PDIA3: variants seen among roughly 807,000 people sequenced by gnomAD.
PDIA3 encodes the protein protein disulfide isomerase family A member 3.
PDIA3 carries 16 observed loss-of-function variants against 56.9 expected under a neutral mutation model. That is an observed-to-expected ratio of 0.28 (90% CI 0.19 to 0.43). PDIA3 has a LOEUF of 0.43. Ranked by LOEUF, PDIA3 falls within the 20% of genes least tolerant of loss-of-function variation. PDIA3 has a pLI of 1.00. For synonymous variants in PDIA3, 192 were observed against 216.5 expected (o/e 0.89, Z 0.99); for missense variants, 485 against 621.3 (o/e 0.78, Z 2.33).
At chr15:43,748,273 T>TTCAAGACCAG (rs2086719957) in intron 1 of PDIA3, among the ~76,000 whole-genome samples, 1 of 148,382 alleles carries the variant, frequency 6.7e-6, no homozygotes, top group Non-Finnish European at 1.5e-5. Context: ...AGGTCGGGAG[T>TTCAAGACCAG]TCAAGACCAG....
At chr15:43,747,936 C>G (rs948923659) in intron 1 of PDIA3, among the ~76,000 whole-genome samples, 1 of 152,170 alleles carries the variant, frequency 6.6e-6, no homozygotes, top group Non-Finnish European at 1.5e-5. Context: ...CTGGGGCTAA[C>G]TGGCAGTACA....
intron 2 of PDIA3, among the ~76,000 whole-genome samples, chr15:43,754,162 G>C (rs900652424): frequency 2.6e-5 from 4 of 151,932 alleles, no homozygotes; most frequent in African/African-American, 9.7e-5. Context: ...TTGGGAGGCC[G>C]AGGTGGGTGG....
chr15:43,761,330 C>T (rs2086814738), intron 3 of PDIA3, 94 bp from the exon 4 acceptor site: 7 of 654,098 alleles, frequency 1.1e-5, no homozygotes, highest in African/African-American at 1.8e-5. Flanking sequence ...ATCTTATACC[C>T]TTTTGTACCT....
At chr15:43,761,623 AAG>A (rs2086816847) in intron 4 of PDIA3, 92 bp downstream of exon 4, 14 of 702,580 alleles carry the variant, frequency 2.0e-5, no homozygotes, top group Non-Finnish European at 3.5e-5. Context: ...TAAAGCAGTT[AAG>A]GAAACCTTGG....
At chr15:43,759,733 CTA>C (rs1002922965) in intron 3 of PDIA3, among the ~76,000 whole-genome samples, 1 of 152,118 alleles carries the variant, frequency 6.6e-6, no homozygotes, top group African/African-American at 2.4e-5. Flanking sequence ...CTACATGCTG[CTA>C]TATGATTCCA....
chr15:43,757,553 G>T (rs1392426025), intron 3 of PDIA3, among the ~76,000 whole-genome samples: 1 of 128,458 alleles, frequency 7.8e-6, no homozygotes, highest in East Asian at 2.3e-4. Context: ...GCGAGACTCC[G>T]TCTCAAAAAA....
At chr15:43,759,163 G>C (rs1478492749) in intron 3 of PDIA3, among the ~76,000 whole-genome samples, 2 of 151,802 alleles carry the variant, frequency 1.3e-5, no homozygotes, top group Admixed American at 6.6e-5. Flanking sequence ...AGTGGCGGGT[G>C]CCTGTAGTTC....
intron 1 of PDIA3, chr15:43,751,495 A>G: frequency 1.2e-6 from 1 of 818,686 alleles, no homozygotes; most frequent in Non-Finnish European, 1.8e-6. Context: ...TTGTGTTTTA[A>G]TATTTTCTAG....
intron 10 of PDIA3, 83 bp downstream of exon 10, chr15:43,769,729 T>C: frequency 6.8e-7 from 1 of 1,469,784 alleles, no homozygotes; most frequent in Non-Finnish European, 9.3e-7. Flanking sequence ...CTAATTTGGT[T>C]GGTTCCTAAG....
chr15:43,754,961 A>G (rs2086768822), intron 2 of PDIA3, among the ~76,000 whole-genome samples: 1 of 152,100 alleles, frequency 6.6e-6, no homozygotes. Context: ...TCTCAAAAAA[A>G]AAAAAAGTAG....
rs546182170 is a variant in PDIA3 at position 43,746,528 on chromosome 15, C to G, written c.-12C>G. ...GCGACCCTTCCGGCCGTCCCCACCCCACCTCGCCGCCATGCGCCTCCGCCG... is the reference window on the plus strand; with the variant it reads ...GCGACCCTTCCGGCCGTCCCCACCCGACCTCGCCGCCATGCGCCTCCGCCG... On this transcript the variant is annotated 5_prime_UTR_variant, in exon 1 of 13. Coordinates refer to ENST00000300289, the MANE Select transcript of PDIA3 (RefSeq NM_005313.5). 2.5e-4 allele frequency: 389 copies of G among 1,585,934 alleles called. 3 individuals are homozygous for G. In the East Asian group the frequency reaches 7.0e-3, roughly 28 times the overall value.
Position 43,753,769 on chromosome 15 carries a change from A to G in PDIA3, c.168-55A>G, listed in dbSNP as rs187774534. 5.3e-5 allele frequency: 66 copies of G among 1,240,290 alleles called. No individual in the cohort carries two copies. The East Asian group carries it at 1.3e-3, about 24-fold the overall frequency. 76.8% of individuals were successfully genotyped at this position (1,240,290 alleles called of 1,614,324 possible). A position where few individuals can be genotyped will look rare whatever the true frequency, so the allele number is the denominator to read the frequency against. ...TTGAGATTCTTCCTAGTGAGACAAC[A>G]TTAACAAATTCATAGGACTAAACTG... is the stretch of plus-strand genomic sequence containing the variant. On this transcript the variant is annotated intron_variant, in intron 1 of 12. Transcript: ENST00000300289.
At chr15:43,755,186 G>A (rs1280843468) in intron 2 of PDIA3, among the ~76,000 whole-genome samples, 1 of 152,096 alleles carries the variant, frequency 6.6e-6, no homozygotes, top group African/African-American at 2.4e-5. Context: ...AATTAGCCAT[G>A]TGTGGTGGCA....
In PDIA3 at chr15:43,772,162, A is replaced by G. The variant is rs2086885553; in HGVS notation, c.*944A>G. On this transcript the variant is annotated 3_prime_UTR_variant, in exon 13 of 13. Coordinates refer to ENST00000300289, the MANE Select transcript of PDIA3 (RefSeq NM_005313.5). ...GAAGCATCCACTTTCTTTTGTAACA[A>G]TGAGGAACAGAAAGGATAAGACTGA... The G allele has an allele frequency of 1.3e-5, 2 of 152,352 alleles. No homozygotes were observed. The highest frequency in any genetic ancestry group is 2.9e-5 in the Non-Finnish European group (2 of 68,118). 9.4% of individuals were successfully genotyped at this position (152,352 alleles called of 1,614,324 possible). A position where few individuals can be genotyped will look rare whatever the true frequency, so the allele number is the denominator to read the frequency against.
chr15:43,766,690 TG>T (rs1320072116), intron 7 of PDIA3, 37 bp from the exon 8 acceptor site: 1 of 1,579,492 alleles, frequency 6.3e-7, no homozygotes, highest in African/African-American at 1.3e-5. Flanking sequence ...TTGACCACCC[TG>T]TATAGTCTTG....
At chr15:43,763,289 G>C in intron 5 of PDIA3, 83 bp downstream of exon 5, 1 of 1,481,050 alleles carries the variant, frequency 6.8e-7, no homozygotes, top group Non-Finnish European at 9.3e-7. Context: ...GTTTCACTCT[G>C]TCACCCAGGC....
chr15:43,757,257 C>T (rs1307131307), intron 3 of PDIA3, among the ~76,000 whole-genome samples: 1 of 152,026 alleles, frequency 6.6e-6, no homozygotes, highest in African/African-American at 2.4e-5. Context: ...TCCCCATCTC[C>T]AATAAAAAGT....
intron 7 of PDIA3, 119 bp downstream of exon 7, chr15:43,766,131 A>T: frequency 1.3e-5 from 7 of 538,786 alleles, no homozygotes; most frequent in Non-Finnish European, 2.0e-5. Flanking sequence ...CCTTAAGAAG[A>T]GGTAAAAAAA....
At chr15:43,751,131 C>A (rs1198912664) in intron 1 of PDIA3, among the ~76,000 whole-genome samples, 10 of 59,028 alleles carry the variant, frequency 1.7e-4, no homozygotes, top group Admixed American at 4.7e-4. Flanking sequence ...GACTCCGTCT[C>A]GAAAAAAAAA....
Sources: allele counts gnomAD v4.1 joint callset (sites outside exome capture counted in the v4.1 genomes callset), GRCh38; gene constraint gnomAD v4.1.1; transcripts MANE v1.5; gene names NCBI Gene and HGNC (gene_info 2026-07-23, HGNC 2026-07-21).